The following KIF15 variants were observed in gnomAD, a reference collection of about 807,000 sequenced individuals.
KIF15 encodes kinesin-like protein KIF15.
Under a neutral mutation model 190.6 loss-of-function variants are expected in KIF15, and 140 were observed. That is an observed-to-expected ratio of 0.73 (90% CI 0.64 to 0.84). KIF15 has a LOEUF of 0.84. Ranked by LOEUF, KIF15 falls within the 40% of genes least tolerant of loss-of-function variation. The pLI is 0.00. For missense variants in KIF15, 1,372 were observed against 1,584.4 expected (o/e 0.87, Z 2.28); for synonymous variants, 528 against 551.3 (o/e 0.96, Z 0.59).
At chr3:44,832,856 A>G (rs1468985017) in intron 26 of KIF15, among the ~76,000 whole-genome samples, 1 of 151,936 alleles carries the variant, frequency 6.6e-6, no homozygotes, top group African/African-American at 2.4e-5. Flanking sequence ...CCCTACTAAA[A>G]CTACAAAAAT....
At chr3:44,792,725 T>G (rs980336430) in intron 7 of KIF15, among the ~76,000 whole-genome samples, 13 of 151,970 alleles carry the variant, frequency 8.6e-5, no homozygotes, top group African/African-American at 3.1e-4. Flanking sequence ...TTTTTATATT[T>G]TTAGCGGAGA....
chr3:44,823,833 A>T (rs943498573), intron 20 of KIF15, among the ~76,000 whole-genome samples: 33 of 152,186 alleles, frequency 2.2e-4, no homozygotes, highest in South Asian at 8.3e-4. Context: ...TGCGGGATAT[A>T]ATCTTCTGGT....
At position 44,830,048 on chromosome 3, in the gene KIF15, C is replaced by T; in HGVS notation, c.3021C>T (p.Thr1007=). The T allele has an allele frequency of 6.3e-7, 1 of 1,588,336 alleles. No individual in the cohort carries two copies. Among genetic ancestry groups the T allele is most frequent in the Non-Finnish European group, 8.6e-7 (1 of 1,168,776 alleles). Residue 1007 remains threonine, a synonymous_variant, in exon 25 of 35, where the codon ACC becomes ACT. Transcript: ENST00000326047. ...SVCEKTETID[T]LKQELKDINC... ...GTGAGAAAACAGAAACTATAGACAC[C>T]CTGAAACAAGAACTGAAGGACATAA...
In KIF15 at chr3:44,805,880, C is replaced by T. The variant is rs201266748; in HGVS notation, c.1865C>T (p.Ser622Phe). ...CTAGAATTGGAATCAGAGCTTCAGT[C>T]TTTGCAAAAAGCGAACCTTAATCTT... ...RQLELESELQ[S>F]LQKANLNLEN... is the part of the protein sequence containing the mutation. Residue 622 changes from serine (S) to phenylalanine (F), a missense_variant, in exon 16 of 35, where the codon TCT becomes TTT. By Grantham distance (155) the Ser-to-Phe change is radical. Transcript: ENST00000326047. 217 of 1,614,080 alleles carry T rather than the reference C, an allele frequency of 1.3e-4. 2 individuals carry two copies. The South Asian group carries it at 2.0e-3, about 15-fold the overall frequency.
chr3:44,826,322 G>A lies in KIF15; in HGVS notation c.2701-53G>A, dbSNP rs570109828. On this transcript the variant is annotated intron_variant, in intron 21 of 34. Transcript: ENST00000326047. ...CACATAGAAGGTACTTGACATGTTC[G>A]TTGACTATGCATTGCTAGTAACAGT... is the stretch of plus-strand genomic sequence containing the variant. 5.3e-5 allele frequency: 84 copies of A among 1,570,276 alleles called. 2 individuals are homozygous for A. The African/African-American group carries it at 8.3e-4, about 15-fold the overall frequency.
At chr3:44,791,459 A>G (rs1046963154) in intron 7 of KIF15, among the ~76,000 whole-genome samples, 5 of 151,992 alleles carry the variant, frequency 3.3e-5, no homozygotes, top group Non-Finnish European at 7.4e-5. Flanking sequence ...TTGCATTTTC[A>G]TTTACATAGA....
intron 6 of KIF15, among the ~76,000 whole-genome samples, chr3:44,860,651 C>A (rs562359738): frequency 6.6e-6 from 1 of 152,140 alleles, no homozygotes; most frequent in Non-Finnish European, 1.5e-5. Flanking sequence ...GGATTACAGG[C>A]GTGAGCCACC....
chr3:44,840,524 T>A, intron 28 of KIF15, 68 bp downstream of exon 28: 1 of 1,038,738 alleles, frequency 9.6e-7, no homozygotes, highest in Non-Finnish European at 1.5e-6. Flanking sequence ...ATTTGGAAAT[T>A]AGGAAGAACA....
chr3:44,796,734 T>C (rs1445505261), intron 8 of KIF15, among the ~76,000 whole-genome samples: 2 of 152,238 alleles, frequency 1.3e-5, no homozygotes, highest in Admixed American at 1.3e-4. Context: ...TAGCTCATTT[T>C]TTCCCCCCAC....
intron 26 of KIF15, among the ~76,000 whole-genome samples, chr3:44,834,721 G>A (rs145862302): frequency 0.019 from 2,824 of 151,164 alleles, 75 homozygotes; most frequent in African/African-American, 0.064. Flanking sequence ...TCAGGAGATC[G>A]AGACCATCCT....
chr3:44,843,483 TAAAAC>T (rs1260624421), intron 30 of KIF15, among the ~76,000 whole-genome samples: 2 of 152,234 alleles, frequency 1.3e-5, no homozygotes, highest in Admixed American at 6.5e-5. Context: ...GTGAGATACT[TAAAAC>T]AAATTACTTA....
chr3:44,817,743 T>C (rs1463377997), intron 20 of KIF15, among the ~76,000 whole-genome samples: 1 of 152,230 alleles, frequency 6.6e-6, no homozygotes, highest in Non-Finnish European at 1.5e-5. Flanking sequence ...TGGTTACATA[T>C]GAACTTTAAA....
chr3:44,780,976 A>G (rs1706135144), intron 5 of KIF15, 54 bp downstream of exon 5: 4 of 1,268,290 alleles, frequency 3.2e-6, no homozygotes, highest in Non-Finnish European at 4.5e-6. Flanking sequence ...TGATAACAGT[A>G]ACCTACAACA....
At position 44,805,994 on chromosome 3, in the gene KIF15, A is replaced by T; in HGVS notation, c.1971+8A>T. On this transcript the variant is annotated splice_region_variant and intron_variant, in intron 16 of 34. Transcript: ENST00000326047. ...CATGCTGAAACACTTAAGGTAGGTCATCTGAACAATACCTCCACCTTAAAT... is the reference window on the plus strand; with the variant it reads ...CATGCTGAAACACTTAAGGTAGGTCTTCTGAACAATACCTCCACCTTAAAT... 6.2e-7 allele frequency: 1 copy of T among 1,612,426 alleles called. No homozygotes were observed. The highest frequency in any genetic ancestry group is 8.5e-7 in the Non-Finnish European group (1 of 1,179,444).
At chr3:44,762,882 G>T (rs1162742087) in intron 1 of KIF15, among the ~76,000 whole-genome samples, 1 of 152,082 alleles carries the variant, frequency 6.6e-6, no homozygotes, top group African/African-American at 2.4e-5. Flanking sequence ...GTACCTTATT[G>T]GAGAGAAATG....
rs754393965 is a variant in KIF15 at position 44,802,006 on chromosome 3, A to T, written c.1509+32A>T. 4.1e-6 allele frequency: 6 copies of T among 1,470,326 alleles called. No homozygotes were observed. The Admixed American group carries it at 8.1e-5, about 20-fold the overall frequency. The allele number at this position is 1,470,326 out of a possible 1,614,324, so 91.1% of individuals were successfully genotyped here. On this transcript the variant is annotated intron_variant, in intron 13 of 34. Transcript: ENST00000326047. ...ATACGGCATCTATAATATTTCTAAAAATAAAAGAAGTTCAAAGCAAATCTA... is the reference window on the plus strand; with the variant it reads ...ATACGGCATCTATAATATTTCTAAATATAAAAGAAGTTCAAAGCAAATCTA...
chr3:44,789,667 T>C (rs1272972972), intron 7 of KIF15, among the ~76,000 whole-genome samples: 9 of 81,138 alleles, frequency 1.1e-4, no homozygotes, highest in Admixed American at 1.1e-3. Context: ...TATATATATA[T>C]ATATATATAT....
At chr3:44,861,933 G>C (rs1251327732) in intron 6 of KIF15, 2 of 1,441,508 alleles carry the variant, frequency 1.4e-6, no homozygotes, top group Non-Finnish European at 1.8e-6. Context: ...ACATGGCCGA[G>C]AGGCCGGGGC....
chr3:44,832,768 AT>A (rs1330116494), intron 26 of KIF15, among the ~76,000 whole-genome samples: 1 of 152,230 alleles, frequency 6.6e-6, no homozygotes, highest in African/African-American at 2.4e-5. Context: ...TAATCCCAGC[AT>A]TTTGGGAGGC....
Sources: gnomAD v4.1 joint callset for allele counts (sites outside exome capture counted in the v4.1 genomes callset) on GRCh38, gnomAD v4.1.1 for gene constraint, MANE v1.5 for transcripts, NCBI Gene and HGNC (gene_info 2026-07-23, HGNC 2026-07-21) for gene names.